Variants in DSG1 observed in about 807,000 individuals in gnomAD.
DSG1 encodes the protein desmoglein 1.
DSG1 carries 39 observed loss-of-function variants against 97.5 expected under a neutral mutation model. That is an observed-to-expected ratio of 0.40 (90% CI 0.31 to 0.52). The LOEUF is 0.52. Among genes scored for constraint, DSG1 ranks in the 20% least tolerant of loss-of-function variants. The pLI is 0.53. For synonymous variants in DSG1, 475 were observed against 443.4 expected, an observed-to-expected ratio of 1.07 and a Z score of -0.90; for missense variants, 1,311 against 1,295.4, an observed-to-expected ratio of 1.01 and a Z score of -0.18.
intron 7 of DSG1, 25 bp downstream of exon 7, chr18:31,333,748 T>C (rs558523078): frequency 1.2e-6 from 2 of 1,610,926 alleles, no homozygotes; most frequent in African/African-American, 1.3e-5. Context: ...TTGGAATTAA[T>C]AAATCTAAAT....
In DSG1 at chr18:31,346,216, A is replaced by G; in HGVS notation, c.2100+18A>G. 1.2e-6 allele frequency: 2 copies of G among 1,602,494 alleles called. No homozygotes were observed. The highest frequency in any genetic ancestry group is 1.7e-6 in the Non-Finnish European group (2 of 1,169,650). ...TCTGTCAGGTAAGGTCCCTAGCCAC[A>G]TGCCTTTCTCGCCATCCATGTGCCT... is the stretch of plus-strand genomic sequence containing the variant. On this transcript the variant is annotated intron_variant, in intron 14 of 14. Transcript: ENST00000257192.
chr18:31,331,607 C>T (rs2071721309), intron 5 of DSG1, 94 bp from the exon 6 acceptor site: 1 of 1,132,728 alleles, frequency 8.8e-7, no homozygotes, highest in African/African-American at 1.5e-5. Context: ...TCATAAGGAT[C>T]AACTAACTCT....
chr18:31,341,687 A>C (rs1290089976), intron 11 of DSG1, among the ~76,000 whole-genome samples: 1 of 152,306 alleles, frequency 6.6e-6, no homozygotes, highest in East Asian at 1.9e-4. Context: ...TCTCATCAAA[A>C]TGAACCAAGA....
At chr18:31,324,545 T>C (rs1240150616) in intron 1 of DSG1, among the ~76,000 whole-genome samples, 7 of 152,194 alleles carry the variant, frequency 4.6e-5, no homozygotes, top group Non-Finnish European at 1.0e-4. Flanking sequence ...ATCTGGCATC[T>C]CAAACTCAAT....
intron 14 of DSG1, among the ~76,000 whole-genome samples, chr18:31,353,695 G>A (rs1248134319): frequency 5.3e-5 from 8 of 150,188 alleles, no homozygotes; most frequent in East Asian, 2.0e-4. Flanking sequence ...TAAGCCCGTC[G>A]GAAAAGCGCA....
At chr18:31,328,671 A>C (rs1012529572) in intron 4 of DSG1, among the ~76,000 whole-genome samples, 4 of 152,074 alleles carry the variant, frequency 2.6e-5, no homozygotes, top group Non-Finnish European at 5.9e-5. Flanking sequence ...TTTAAGTCTA[A>C]TGTCAAGTAA....
intron 14 of DSG1, chr18:31,347,759 G>A (rs2071852884): frequency 6.6e-6 from 1 of 152,068 alleles, no homozygotes; most frequent in Non-Finnish European, 1.5e-5. Context: ...AAATTTTCCT[G>A]TTGCTGTGCT....
chr18:31,358,916 C>T lies in DSG1; in HGVS notation c.*3570C>T, dbSNP rs2071980400. On this transcript the variant is annotated 3_prime_UTR_variant, in exon 15 of 15. Coordinates refer to ENST00000257192, the MANE Select transcript of DSG1 (RefSeq NM_001942.4). ...TAGGACAAATCTTGACTAGATCAAC[C>T]TGTTTTCCATCAGATAATTTTAAAA... 6.6e-6 allele frequency among the ~76,000 whole-genome samples: 1 copy of T among 152,092 alleles called. No individual in the cohort carries two copies. Among genetic ancestry groups the T allele is most frequent in the African/African-American group, 2.4e-5 (1 of 41,434 alleles).
intron 5 of DSG1, 148 bp from the exon 6 acceptor site, chr18:31,331,553 T>G: frequency 1.5e-6 from 1 of 674,296 alleles, no homozygotes; most frequent in South Asian, 1.8e-5. Flanking sequence ...AGCTAAGATA[T>G]CCATATGTTG....
chr18:31,325,163 C>T (rs192534762), intron 1 of DSG1, among the ~76,000 whole-genome samples: 16 of 152,208 alleles, frequency 1.1e-4, no homozygotes, highest in East Asian at 9.7e-4. Flanking sequence ...GCAGACTTGG[C>T]GGTTTTTAGA....
chr18:31,359,246 C>G lies in DSG1; in HGVS notation c.*3900C>G. On this transcript the variant is annotated 3_prime_UTR_variant, in exon 15 of 15. Coordinates refer to ENST00000257192, the MANE Select transcript of DSG1 (RefSeq NM_001942.4). ...ATACAGCAATAAAATTATTAATATG[C>G]CTCCCTTATCTTTTCTGAATTGTAA... 6.6e-6 allele frequency among the ~76,000 whole-genome samples: 1 copy of G among 152,052 alleles called. No homozygotes were observed. Among genetic ancestry groups the G allele is most frequent in the East Asian group, 1.9e-4 (1 of 5,194 alleles).
chr18:31,354,236 T>A, intron 14 of DSG1, 61 bp from the exon 15 acceptor site: 2 of 1,420,898 alleles, frequency 1.4e-6, no homozygotes, highest in Non-Finnish European at 2.0e-6. Context: ...TGATAAAGGC[T>A]GTTCTATTAT....
intron 13 of DSG1, chr18:31,345,610 C>T (rs1219975970): frequency 5.4e-6 from 1 of 185,212 alleles, no homozygotes; most frequent in African/African-American, 2.6e-5. Flanking sequence ...TCTGGATGTC[C>T]TGTGCTTCTA....
chr18:31,323,976 C>CTTTTTTTTTTTT lies in DSG1; in HGVS notation c.49-2594_49-2583dup, dbSNP rs1203163479. Reference sequence around the variant, plus strand: ...TCTTTCGCCACTCCTTCTCTCCTTCCTTTTTTTTTTTTTTTTTTTTTTCTT... The same window carrying CTTTTTTTTTTTT: ...TCTTTCGCCACTCCTTCTCTCCTTCCTTTTTTTTTTTTTTTTTTTTTTTTTTTTTTTTTTCTT... On this transcript the variant is annotated intron_variant, in intron 1 of 14. Coordinates refer to ENST00000257192, the MANE Select transcript of DSG1 (RefSeq NM_001942.4). Among the ~76,000 whole-genome samples, 206 of 94,992 alleles carry CTTTTTTTTTTTT rather than the reference C, an allele frequency of 2.2e-3. 1 individual carries two copies. Among genetic ancestry groups the CTTTTTTTTTTTT allele is most frequent in the Admixed American group, 3.1e-3 (22 of 7,026 alleles). 62.3% of individuals were successfully genotyped at this position (94,992 alleles called of 152,430 possible).
Position 31,355,002 on chromosome 18 carries a change from A to G in DSG1, c.2806A>G (p.Ser936Gly), listed in dbSNP as rs2071941982. The change falls in exon 15 of 15, where the codon AGT (serine) becomes GGT (glycine). Residue 936 changes from serine to glycine, a missense_variant. This residue lies in a region of DSG1 where 1,038 missense variants were observed against 964.6 expected (regional missense o/e 1.08). Coordinates refer to ENST00000257192, the MANE Select transcript of DSG1 (RefSeq NM_001942.4). ...VIQPTSGMIG[S>G]LSMHPELANA... ...CCAACCAACTTCCGGCATGATAGGTAGTCTGAGTATGCACCCCGAGTTAGC... is the reference window on the plus strand; with the variant it reads ...CCAACCAACTTCCGGCATGATAGGTGGTCTGAGTATGCACCCCGAGTTAGC... The G allele has an allele frequency of 6.2e-7, 1 of 1,614,138 alleles. No homozygotes were observed. Among genetic ancestry groups the G allele is most frequent in the African/African-American group, 1.3e-5 (1 of 74,948 alleles).
intron 4 of DSG1, among the ~76,000 whole-genome samples, chr18:31,329,518 A>T (rs1411338643): frequency 6.6e-6 from 1 of 152,016 alleles, no homozygotes; most frequent in East Asian, 1.9e-4. Flanking sequence ...TTGGGGCATA[A>T]TGCATTTTTT....
chr18:31,352,465 G>A (rs1199362503), intron 14 of DSG1, among the ~76,000 whole-genome samples: 4 of 150,458 alleles, frequency 2.7e-5, no homozygotes, highest in African/African-American at 7.5e-5. Flanking sequence ...TGCTCTTCTC[G>A]AGGAGTATCT....
chr18:31,358,287 C>A lies in DSG1; in HGVS notation c.*2941C>A, dbSNP rs547499444. ...ATATCAACCAAAATACCATCTCAAGCTAATTTTGACACTGAATTACAGATA... is the reference window on the plus strand; with the variant it reads ...ATATCAACCAAAATACCATCTCAAGATAATTTTGACACTGAATTACAGATA... On this transcript the variant is annotated 3_prime_UTR_variant, in exon 15 of 15. Transcript: ENST00000257192. Among the ~76,000 whole-genome samples the A allele has an allele frequency of 3.3e-5, 5 of 151,982 alleles. No individual in the cohort carries two copies. Among genetic ancestry groups the A allele is most frequent in the Middle Eastern group, 3.5e-3 (1 of 288 alleles).
chr18:31,326,468 T>C (rs1317956879), intron 1 of DSG1, 113 bp from the exon 2 acceptor site: 1 of 833,682 alleles, frequency 1.2e-6, no homozygotes, highest in Non-Finnish European at 1.9e-6. Context: ...GATAAAATAA[T>C]TTTAATGACT....
Sources: allele counts gnomAD v4.1 joint callset (sites outside exome capture counted in the v4.1 genomes callset), GRCh38; gene constraint gnomAD v4.1.1; regional missense constraint gnomAD v4.1.1; transcripts MANE v1.5; gene names NCBI Gene and HGNC (gene_info 2026-07-23, HGNC 2026-07-21).